The following CSGALNACT1 variants were observed in gnomAD, a reference collection of about 807,000 sequenced individuals.
The protein encoded by CSGALNACT1 is beta4GalNAcT-1.
A neutral mutation model predicts 51.0 loss-of-function variants in CSGALNACT1; 52 were observed. The observed-to-expected ratio is 1.02, with a 90% CI of 0.82 to 1.29. The LOEUF is 1.29. Ranked by LOEUF, CSGALNACT1 falls within the 50% of genes most tolerant of loss-of-function variation. The pLI, the probability that CSGALNACT1 is intolerant of heterozygous loss-of-function variation, is 0.00. For synonymous variants in CSGALNACT1, 341 were observed against 254.4 expected (o/e 1.34, Z -3.24); for missense variants, 935 against 679.2 (o/e 1.38, Z -4.19).
At chr8:19,617,101 G>A (rs1211944771) in intron 1 of CSGALNACT1, among the ~76,000 whole-genome samples, 2 of 152,192 alleles carry the variant, frequency 1.3e-5, no homozygotes, top group Non-Finnish European at 2.9e-5. Context: ...GACAATGACA[G>A]ATCATCAGGC....
intron 1 of CSGALNACT1, among the ~76,000 whole-genome samples, chr8:19,738,813 GA>G (rs539632949): frequency 2.0e-5 from 3 of 152,010 alleles, no homozygotes; most frequent in Admixed American, 2.0e-4. Context: ...ATTTTTGTCT[GA>G]AAAAAATGAA....
At chr8:19,483,803 A>G (rs948227266) in intron 4 of CSGALNACT1, among the ~76,000 whole-genome samples, 4 of 152,188 alleles carry the variant, frequency 2.6e-5, no homozygotes, top group African/African-American at 9.7e-5. Context: ...ATAAATTACT[A>G]TTGACTAAAT....
intron 2 of CSGALNACT1, among the ~76,000 whole-genome samples, chr8:19,593,799 G>A (rs1201130957): frequency 6.6e-6 from 1 of 152,082 alleles, no homozygotes; most frequent in African/African-American, 2.4e-5. Context: ...TCACTTTTTG[G>A]GACTGATTCC....
chr8:19,496,555 T>C (rs2075499115), intron 4 of CSGALNACT1, among the ~76,000 whole-genome samples: 1 of 152,178 alleles, frequency 6.6e-6, no homozygotes, highest in South Asian at 2.1e-4. Context: ...TGCTCCAAGA[T>C]ATAATGAGCT....
intron 1 of CSGALNACT1, among the ~76,000 whole-genome samples, chr8:19,729,134 T>C (rs2063555649): frequency 6.6e-6 from 1 of 151,068 alleles, no homozygotes; most frequent in African/African-American, 2.4e-5. Flanking sequence ...AAGTGAAGAC[T>C]GAAATGCACC....
intron 1 of CSGALNACT1, among the ~76,000 whole-genome samples, chr8:19,677,105 G>C (rs898115159): frequency 7.0e-5 from 9 of 128,958 alleles, no homozygotes; most frequent in Middle Eastern, 8.6e-3. Context: ...GTGGCTTTGA[G>C]AATGCTTTTT....
intron 1 of CSGALNACT1, among the ~76,000 whole-genome samples, chr8:19,679,729 G>C (rs1260280541): frequency 6.6e-6 from 1 of 152,164 alleles, no homozygotes; most frequent in Non-Finnish European, 1.5e-5. Flanking sequence ...ACAGGTGCTG[G>C]TGCCCAAATT....
At chr8:19,562,234 G>A (rs564657741) in intron 3 of CSGALNACT1, among the ~76,000 whole-genome samples, 5 of 152,230 alleles carry the variant, frequency 3.3e-5, no homozygotes, top group Admixed American at 2.6e-4. Flanking sequence ...ACCTTGAAAA[G>A]GCTCTTCATG....
chr8:19,517,232 G>C (rs148934888), intron 3 of CSGALNACT1, among the ~76,000 whole-genome samples: 1 of 152,196 alleles, frequency 6.6e-6, no homozygotes, highest in Non-Finnish European at 1.5e-5. Context: ...GAGTTTGGGA[G>C]TTCGAGATCA....
chr8:19,636,339 A>G (rs1460020023), intron 1 of CSGALNACT1, among the ~76,000 whole-genome samples: 2 of 152,220 alleles, frequency 1.3e-5, no homozygotes, highest in East Asian at 1.9e-4. Context: ...AAAAAACACT[A>G]TAATATATAT....
chr8:19,725,581 T>C lies in CSGALNACT1; in HGVS notation c.-297+32269A>G, dbSNP rs113784857. On this transcript the variant is annotated intron_variant, in intron 1 of 1. Coordinates refer to the CSGALNACT1 transcript ENST00000517494. ...CTGGGATTACAGAAGGCCACCACCA[T>C]GCCCAGCTAGTTTTTGTATTTTTAG... is the stretch of plus-strand genomic sequence containing the variant. Among the ~76,000 whole-genome samples, 54 of 151,938 alleles carry C rather than the reference T, an allele frequency of 3.6e-4. 1 individual carries two copies. Among genetic ancestry groups the C allele is most frequent in the African/African-American group, 1.1e-3 (47 of 41,426 alleles).
intron 1 of CSGALNACT1, among the ~76,000 whole-genome samples, chr8:19,653,463 G>T (rs2058001103): frequency 6.6e-6 from 1 of 152,116 alleles, no homozygotes; most frequent in Admixed American, 6.6e-5. Flanking sequence ...TCCCATAGCT[G>T]TAAGTCTCAT....
intron 1 of CSGALNACT1, among the ~76,000 whole-genome samples, chr8:19,679,701 T>A (rs920692758): frequency 6.6e-6 from 1 of 152,176 alleles, no homozygotes; most frequent in African/African-American, 2.4e-5. Flanking sequence ...GCCATCAATA[T>A]TCACCAGCTA....
At chr8:19,511,612 G>T (rs912205237) in intron 3 of CSGALNACT1, among the ~76,000 whole-genome samples, 1 of 152,166 alleles carries the variant, frequency 6.6e-6, no homozygotes, top group Admixed American at 6.5e-5. Flanking sequence ...TGATAGCCAG[G>T]TTCCAAGATG....
chr8:19,496,903 G>A (rs925935014), intron 4 of CSGALNACT1, among the ~76,000 whole-genome samples: 1 of 152,128 alleles, frequency 6.6e-6, no homozygotes, highest in Non-Finnish European at 1.5e-5. Context: ...AAGAACCTTA[G>A]GACACCGACC....
At chr8:19,505,695 C>G (rs1350187354) in exon 4 of CSGALNACT1, 1 of 1,614,062 alleles carries the variant, frequency 6.2e-7, no homozygotes, top group East Asian at 2.2e-5. Flanking sequence ...GCTGTTGGCC[C>G]TGGGCAGTGC....
At chr8:19,682,583 G>A in exon 1 of CSGALNACT1, 1 of 453,520 alleles carries the variant, frequency 2.2e-6, no homozygotes. Context: ...CACCTAAGGA[G>A]AGCACTCACT....
chr8:19,672,498 T>C (rs1014755992), intron 1 of CSGALNACT1, among the ~76,000 whole-genome samples: 2 of 152,210 alleles, frequency 1.3e-5, no homozygotes, highest in Non-Finnish European at 2.9e-5. Context: ...AGTATTTCCC[T>C]GAATGCCTTT....
chr8:19,475,881 T>C (rs932703046), intron 4 of CSGALNACT1, among the ~76,000 whole-genome samples: 8 of 152,222 alleles, frequency 5.3e-5, no homozygotes, highest in African/African-American at 1.9e-4. Context: ...TCCATTCCAT[T>C]TGACCATTAA....
Sources: allele counts gnomAD v4.1 joint callset (sites outside exome capture counted in the v4.1 genomes callset), GRCh38; gene constraint gnomAD v4.1.1; transcripts MANE v1.5; gene names NCBI Gene and HGNC (gene_info 2026-07-23, HGNC 2026-07-21).